Variants in LRRTM4 observed in about 807,000 individuals in gnomAD.
The protein encoded by LRRTM4 is leucine rich repeat transmembrane neuronal 4, also known as leucine-rich repeat transmembrane neuronal protein 4.
Under a neutral mutation model 47.6 loss-of-function variants are expected in LRRTM4, and 25 were observed. The observed-to-expected ratio is 0.53, with a 90% confidence interval of 0.38 to 0.73. The LOEUF (loss-of-function observed/expected upper bound fraction) is 0.73, where lower values mean the gene tolerates loss of function less well. Among genes scored for constraint, LRRTM4 ranks in the 30% least tolerant of loss-of-function variants. The pLI is 0.00. For missense variants in LRRTM4, 638 were observed against 713.4 expected (o/e 0.89, Z 1.20); for synonymous variants, 311 against 269.5 (o/e 1.15, Z -1.51).
intron 3 of LRRTM4, among the ~76,000 whole-genome samples, chr2:77,319,920 T>C (rs1677736892): frequency 6.6e-6 from 1 of 152,242 alleles, no homozygotes; most frequent in Non-Finnish European, 1.5e-5. Flanking sequence ...AGAACCATCA[T>C]AGAACATCCC....
chr2:77,369,856 G>A (rs1672598228), intron 3 of LRRTM4, among the ~76,000 whole-genome samples: 2 of 151,642 alleles, frequency 1.3e-5, no homozygotes, highest in Non-Finnish European at 3.0e-5. Context: ...ACAATGGAAA[G>A]TATTTGTATA....
At chr2:77,500,544 G>C (rs939075363) in intron 3 of LRRTM4, among the ~76,000 whole-genome samples, 34 of 151,508 alleles carry the variant, frequency 2.2e-4, no homozygotes, top group African/African-American at 8.2e-4. Flanking sequence ...AAAATAATCT[G>C]TAATATATTT....
At chr2:76,971,617 C>A (rs375894438) in intron 3 of LRRTM4, among the ~76,000 whole-genome samples, 4 of 151,856 alleles carry the variant, frequency 2.6e-5, no homozygotes, top group African/African-American at 9.7e-5. Flanking sequence ...CTTGTTGGAG[C>A]AATATTGGAG....
chr2:77,114,025 C>T (rs1671322835), intron 3 of LRRTM4, among the ~76,000 whole-genome samples: 1 of 152,062 alleles, frequency 6.6e-6, no homozygotes, highest in Non-Finnish European at 1.5e-5. Flanking sequence ...TTCTCAACAT[C>T]ATCAGGTGGG....
chr2:77,240,243 T>A (rs1256610689), intron 3 of LRRTM4, among the ~76,000 whole-genome samples: 1 of 151,794 alleles, frequency 6.6e-6, no homozygotes, highest in Non-Finnish European at 1.5e-5. Flanking sequence ...AATAAATAGG[T>A]AAACATAATA....
At chr2:76,779,798 A>G (rs533916350) in intron 3 of LRRTM4, among the ~76,000 whole-genome samples, 4 of 152,116 alleles carry the variant, frequency 2.6e-5, no homozygotes, top group Non-Finnish European at 4.4e-5. Flanking sequence ...ATTTGATCTT[A>G]TCATTATGAT....
At chr2:77,003,103 T>C (rs1196448271) in intron 3 of LRRTM4, among the ~76,000 whole-genome samples, 3 of 152,060 alleles carry the variant, frequency 2.0e-5, no homozygotes, top group African/African-American at 7.2e-5. Context: ...GTTTTTACTT[T>C]GCGATAAGAA....
At chr2:76,757,969 C>A (rs1252407221) in intron 3 of LRRTM4, among the ~76,000 whole-genome samples, 1 of 152,142 alleles carries the variant, frequency 6.6e-6, no homozygotes, top group Non-Finnish European at 1.5e-5. Flanking sequence ...AATGCCAGTA[C>A]TAAGAAGGTG....
chr2:76,827,870 C>T (rs1167790890), intron 3 of LRRTM4, among the ~76,000 whole-genome samples: 1 of 151,756 alleles, frequency 6.6e-6, no homozygotes, highest in Non-Finnish European at 1.5e-5. Context: ...TGCTAGGAAT[C>T]AGAATTTTAA....
intron 3 of LRRTM4, among the ~76,000 whole-genome samples, chr2:77,190,387 C>A (rs539968070): frequency 6.6e-6 from 1 of 150,802 alleles, no homozygotes; most frequent in Admixed American, 6.6e-5. Context: ...CCTCCGCCTC[C>A]CAGTTCAAGC....
intron 3 of LRRTM4, among the ~76,000 whole-genome samples, chr2:77,365,898 AT>A (rs1226982404): frequency 6.8e-6 from 1 of 146,690 alleles, no homozygotes; most frequent in East Asian, 2.0e-4. Flanking sequence ...TTTAATATTT[AT>A]TTTTCCTATA....
intron 3 of LRRTM4, among the ~76,000 whole-genome samples, chr2:76,786,943 C>CTGTT (rs777626354): frequency 6.6e-6 from 1 of 151,964 alleles, no homozygotes; most frequent in Non-Finnish European, 1.5e-5. Flanking sequence ...CAATGAAAAG[C>CTGTT]TGTTTGTTAG....
chr2:76,848,899 A>G (rs923543415), intron 3 of LRRTM4, among the ~76,000 whole-genome samples: 16 of 152,088 alleles, frequency 1.1e-4, no homozygotes, highest in Non-Finnish European at 2.4e-4. Flanking sequence ...TTCATGAAAG[A>G]ACTCTCATTG....
At chr2:77,223,159 CG>C (rs1257215956) in intron 3 of LRRTM4, among the ~76,000 whole-genome samples, 1 of 152,036 alleles carries the variant, frequency 6.6e-6, no homozygotes, top group African/African-American at 2.4e-5. Flanking sequence ...AATTCAACAA[CG>C]CTTCATGCTA....
chr2:77,285,758 A>C (rs992702309), intron 3 of LRRTM4, among the ~76,000 whole-genome samples: 1 of 151,990 alleles, frequency 6.6e-6, no homozygotes, highest in African/African-American at 2.4e-5. Flanking sequence ...ACAACAAAAA[A>C]AATCCTGATA....
intron 3 of LRRTM4, among the ~76,000 whole-genome samples, chr2:77,490,628 AAAAAACAGCAGTCT>A: frequency 6.6e-6 from 1 of 152,178 alleles, no homozygotes; most frequent in Non-Finnish European, 1.5e-5. Flanking sequence ...AAATAATAAA[AAAAAACAGCAGTCT>A]AAGTAGGGGA....
At chr2:77,183,239 A>G (rs1055417539) in intron 3 of LRRTM4, among the ~76,000 whole-genome samples, 1 of 152,158 alleles carries the variant, frequency 6.6e-6, no homozygotes, top group Non-Finnish European at 1.5e-5. Context: ...AATTTACAAC[A>G]AAAAAACAAC....
intron 3 of LRRTM4, among the ~76,000 whole-genome samples, chr2:76,968,577 TCC>T (rs922091139): frequency 1.3e-5 from 2 of 151,438 alleles, no homozygotes; most frequent in Non-Finnish European, 3.0e-5. Flanking sequence ...TTTTCTTTAA[TCC>T]ACTGCTCATT....
intron 3 of LRRTM4, among the ~76,000 whole-genome samples, chr2:77,016,707 A>G (rs533836998): frequency 5.9e-5 from 9 of 152,238 alleles, no homozygotes; most frequent in African/African-American, 2.2e-4. Context: ...GAAATGATAA[A>G]TGGAGGCCTT....
Sources: gnomAD v4.1 joint callset for allele counts (sites outside exome capture counted in the v4.1 genomes callset) on GRCh38, gnomAD v4.1.1 for gene constraint, MANE v1.5 for transcripts, NCBI Gene and HGNC (gene_info 2026-07-23, HGNC 2026-07-21) for gene names.